Variants in RPGRIP1 observed in about 807,000 individuals in gnomAD.
RPGRIP1 encodes RPGR interacting protein 1, also known as X-linked retinitis pigmentosa GTPase regulator-interacting protein 1.
RPGRIP1 carries 128 observed loss-of-function variants against 157.9 expected under a neutral mutation model. The observed-to-expected ratio is 0.81, with a 90% confidence interval of 0.70 to 0.94. The LOEUF is 0.94. RPGRIP1 is among the 40% of genes least tolerant of loss of function. RPGRIP1 has a pLI of 0.00. For missense variants in RPGRIP1, 1,486 were observed against 1,545.8 expected (o/e 0.96, Z 0.65); for synonymous variants, 554 against 571.6 (o/e 0.97, Z 0.44).
intron 20 of RPGRIP1, 91 bp from the exon 21 acceptor site, chr14:21,334,514 C>T: frequency 1.2e-6 from 1 of 847,370 alleles, no homozygotes; most frequent in Non-Finnish European, 2.0e-6. Flanking sequence ...AACTAGTGAC[C>T]AGACAGTGGA....
chr14:21,280,382 C>T (rs1402391483), intron 1 of RPGRIP1, among the ~76,000 whole-genome samples: 1 of 150,902 alleles, frequency 6.6e-6, no homozygotes, highest in Admixed American at 6.7e-5. Context: ...TAGCTGGGGA[C>T]TACAGGCATG....
Position 21,325,941 on chromosome 14 carries a change from C to T in RPGRIP1, c.2478C>T (p.Tyr826=), listed in dbSNP as rs369908041. Residue 826 remains tyrosine (Y), a synonymous_variant, in exon 17 of 25, where the codon TAC becomes TAT. Coordinates refer to ENST00000400017, the MANE Select transcript of RPGRIP1 (RefSeq NM_020366.4). ...LGTQPSPYAV[Y]RFFTFSDHDT... ...CTCAACCCAGTCCATATGCTGTGTA[C>T]CGCTTCTTCACCTTTTCTGACCATG... 3.3e-5 allele frequency: 54 copies of T among 1,613,836 alleles called. No homozygotes were observed. Among genetic ancestry groups the T allele is most frequent in the Non-Finnish European group, 4.2e-5 (49 of 1,179,858 alleles).
intron 6 of RPGRIP1, among the ~76,000 whole-genome samples, chr14:21,307,133 T>C (rs1403650755): frequency 6.6e-6 from 1 of 152,218 alleles, no homozygotes. Context: ...TTCAGCTCAC[T>C]GCAACCTCCG....
At chr14:21,315,262 C>CT (rs1387988754) in intron 10 of RPGRIP1, among the ~76,000 whole-genome samples, 1 of 151,962 alleles carries the variant, frequency 6.6e-6, no homozygotes, top group Non-Finnish European at 1.5e-5. Flanking sequence ...AATCCCAGCA[C>CT]TTTGGGAGGC....
chr14:21,315,806 AT>A (rs1360256191), intron 10 of RPGRIP1, among the ~76,000 whole-genome samples: 84 of 144,658 alleles, frequency 5.8e-4, no homozygotes, highest in African/African-American at 1.8e-3. Context: ...TATTATTATT[AT>A]TTTTTTTTTG....
intron 4 of RPGRIP1, among the ~76,000 whole-genome samples, chr14:21,301,885 A>G (rs1881052799): frequency 6.6e-6 from 1 of 151,818 alleles, no homozygotes; most frequent in Non-Finnish European, 1.5e-5. Context: ...CTCAAAAAAC[A>G]AACAAAACAA....
intron 11 of RPGRIP1, chr14:21,318,064 T>C (rs1881956668): frequency 1.4e-6 from 1 of 691,746 alleles, no homozygotes; most frequent in Non-Finnish European, 2.6e-6. Context: ...TTTTCCTATA[T>C]AATGTCTTTC....
At chr14:21,293,779 T>C (rs1880636014) in intron 2 of RPGRIP1, among the ~76,000 whole-genome samples, 1 of 151,972 alleles carries the variant, frequency 6.6e-6, no homozygotes, top group African/African-American at 2.4e-5. Flanking sequence ...CTCGGGAGGC[T>C]GAGGCAGGAG....
At position 21,285,098 on chromosome 14, in the gene RPGRIP1, GA is replaced by G. The variant is rs959908515; in HGVS notation, c.-38-2840del. 1.3e-4 allele frequency among the ~76,000 whole-genome samples: 20 copies of G among 152,080 alleles called. 2 individuals are homozygous for G. The highest frequency in any genetic ancestry group is 4.8e-4 in the African/African-American group (20 of 41,362). On this transcript the variant is annotated intron_variant, in intron 1 of 24. Transcript: ENST00000400017. The stretch of plus-strand genomic sequence containing the variant: ...CTTCAAAGTCACTATGTTTTAGTGA[GA>G]GGGGACAGACAATAAACTAGTATAA...
intron 3 of RPGRIP1, among the ~76,000 whole-genome samples, chr14:21,297,883 T>TCTTTC (rs1594170266): frequency 6.6e-6 from 1 of 151,742 alleles, no homozygotes; most frequent in Non-Finnish European, 1.5e-5. Context: ...CTTTCTTTTT[T>TCTTTC]TTGAGATAGG....
chr14:21,311,656 A>G, intron 8 of RPGRIP1, 168 bp from the exon 9 acceptor site: 1 of 463,966 alleles, frequency 2.2e-6, no homozygotes. Flanking sequence ...ACTTCCAGAG[A>G]AATGCTAGGG....
Position 21,321,984 on chromosome 14 carries a change from G to A in RPGRIP1, c.1742G>A (p.Ser581Asn), listed in dbSNP as rs753553462. ...RIKQLEGILR[S>N]HDLPTSEQLK... ...AAGCAGCTGGAAGGTATTTTAAGAA[G>A]CCATGACCTTCCAACATCTGGCAAG... Residue 581 changes from serine (S) to asparagine (N), a missense_variant, in exon 14 of 25, where the codon AGC becomes AAC. Physicochemically the swap from Ser to Asn is conservative, Grantham distance 46. Coordinates refer to ENST00000400017, the MANE Select transcript of RPGRIP1 (RefSeq NM_020366.4). 1.2e-6 allele frequency: 2 copies of A among 1,612,858 alleles called. No individual in the cohort carries two copies. The highest frequency in any genetic ancestry group is 2.7e-5 in the African/African-American group (2 of 74,808).
chr14:21,294,495 T>C (rs1880677787), intron 2 of RPGRIP1, among the ~76,000 whole-genome samples, 182 bp from the exon 3 acceptor site: 1 of 152,148 alleles, frequency 6.6e-6, no homozygotes, highest in African/African-American at 2.4e-5. Context: ...CCCAAAGTGC[T>C]GGGATTACAG....
intron 21 of RPGRIP1, 150 bp from the exon 22 acceptor site, chr14:21,342,886 C>G (rs1205102589): frequency 3.9e-6 from 2 of 509,744 alleles, no homozygotes; most frequent in East Asian, 6.9e-5. Flanking sequence ...GCCAGTTTTA[C>G]CTATAAAAGG....
At chr14:21,289,508 T>C (rs568740718) in intron 2 of RPGRIP1, among the ~76,000 whole-genome samples, 1 of 152,312 alleles carries the variant, frequency 6.6e-6, no homozygotes, top group East Asian at 1.9e-4. Flanking sequence ...TTTGTAATTT[T>C]GCTCCACTTT....
At position 21,303,390 on chromosome 14, in the gene RPGRIP1, T is replaced by C. The variant is rs1347428806; in HGVS notation, c.647T>C (p.Ile216Thr). The stretch of plus-strand genomic sequence containing the variant: ...AGTGTCATAAGTATGGCTAAACCCA[T>C]TGGTCTATGCATGCCTAACAGTGCC... Reference protein sequence around the residue: ...FSSVISMAKPIGLCMPNSAHI... With the variant: ...FSSVISMAKPTGLCMPNSAHI... Residue 216 changes from isoleucine (I) to threonine (T), a missense_variant, in exon 6 of 25, where the codon ATT becomes ACT. Physicochemically the swap from Ile to Thr is moderately conservative, Grantham distance 89 (BLOSUM62 -1). Transcript: ENST00000400017. The C allele has an allele frequency of 6.2e-7, 1 of 1,613,880 alleles. No homozygotes were observed. Among genetic ancestry groups the C allele is most frequent in the Non-Finnish European group, 8.5e-7 (1 of 1,179,854 alleles).
In RPGRIP1 at chr14:21,320,012, C is replaced by T. The variant is rs1451670635; in HGVS notation, c.1307-5C>T. On this transcript the variant is annotated splice_polypyrimidine_tract_variant and splice_region_variant and intron_variant, in intron 11 of 24. Transcript: ENST00000400017. ...ATTTCACATTTCTGGATTATTTTTC[C>T]CCAGCCCAAAATGAGGATCTGAAGC... is the stretch of plus-strand genomic sequence containing the variant. 6 of 1,607,286 alleles carry T rather than the reference C, an allele frequency of 3.7e-6. No homozygotes were observed. The South Asian group carries it at 5.6e-5, about 15-fold the overall frequency.
chr14:21,287,336 C>A (rs1880336400), intron 1 of RPGRIP1, among the ~76,000 whole-genome samples: 1 of 152,178 alleles, frequency 6.6e-6, no homozygotes, highest in Non-Finnish European at 1.5e-5. Flanking sequence ...GAGTATGAGG[C>A]AACTCTATAG....
At chr14:21,298,490 A>T (rs1566670470) in intron 3 of RPGRIP1, among the ~76,000 whole-genome samples, 2 of 152,084 alleles carry the variant, frequency 1.3e-5, no homozygotes, top group South Asian at 4.1e-4. Context: ...ACAGAGTGAG[A>T]TTCGGTCTCA....
Sources: gnomAD v4.1 joint callset for allele counts (sites outside exome capture counted in the v4.1 genomes callset) on GRCh38, gnomAD v4.1.1 for gene constraint, MANE v1.5 for transcripts, NCBI Gene and HGNC (gene_info 2026-07-23, HGNC 2026-07-21) for gene names.